FHIT: variants seen among roughly 807,000 people sequenced by gnomAD.
FHIT encodes the protein bis(5'-adenosyl)-triphosphatase.
Under a neutral mutation model 17.9 loss-of-function variants are expected in FHIT, and 19 were observed. That is an observed-to-expected ratio of 1.06 (90% CI 0.74 to 1.56). The LOEUF is 1.56. Ranked by LOEUF, FHIT falls within the 40% of genes most tolerant of loss-of-function variation. The probability of loss-of-function intolerance (pLI) is 0.00; values close to 1 mark genes in which losing one functional copy is unlikely to be tolerated. For synonymous variants in FHIT, 81 were observed against 69.7 expected (o/e 1.16, Z -0.81); for missense variants, 248 against 189.2 (o/e 1.31, Z -1.82).
intron 3 of FHIT, among the ~76,000 whole-genome samples, chr3:60,957,095 A>G (rs986046528): frequency 2.7e-4 from 41 of 152,314 alleles, no homozygotes; most frequent in African/African-American, 6.7e-4. Context: ...GTTCAAAATC[A>G]GATACTAAGC....
At chr3:61,022,999 C>T (rs1466450854) in intron 3 of FHIT, among the ~76,000 whole-genome samples, 1 of 152,122 alleles carries the variant, frequency 6.6e-6, no homozygotes, top group Non-Finnish European at 1.5e-5. Context: ...CCAGGGCGAT[C>T]AGGCAAGAGA....
At chr3:60,136,669 T>C (rs968207389) in intron 5 of FHIT, among the ~76,000 whole-genome samples, 5 of 152,128 alleles carry the variant, frequency 3.3e-5, no homozygotes, top group East Asian at 3.9e-4. Flanking sequence ...ACATAGGACC[T>C]TGAAGATTTC....
intron 5 of FHIT, among the ~76,000 whole-genome samples, chr3:60,442,594 A>G (rs2030986139): frequency 6.6e-6 from 1 of 152,006 alleles, no homozygotes. Flanking sequence ...GATGTGTGGT[A>G]TTATTTCTGA....
chr3:61,134,978 T>C (rs923155486), intron 2 of FHIT, among the ~76,000 whole-genome samples: 1 of 151,706 alleles, frequency 6.6e-6, no homozygotes, highest in African/African-American at 2.4e-5. Context: ...GCATAAGAGA[T>C]GCCCTTGGGG....
intron 5 of FHIT, among the ~76,000 whole-genome samples, chr3:60,217,869 T>G (rs1401509229): frequency 2.0e-5 from 3 of 152,192 alleles, no homozygotes; most frequent in Admixed American, 6.5e-5. Flanking sequence ...ATGTTATGTA[T>G]CCTTTTATAT....
chr3:60,359,217 G>A (rs1699797009), intron 5 of FHIT, among the ~76,000 whole-genome samples: 1 of 150,994 alleles, frequency 6.6e-6, no homozygotes, highest in African/African-American at 2.4e-5. Flanking sequence ...CATGATATTT[G>A]GATACAAAAC....
chr3:61,149,665 C>G (rs958575168), intron 2 of FHIT, among the ~76,000 whole-genome samples: 4 of 151,914 alleles, frequency 2.6e-5, no homozygotes, highest in African/African-American at 9.7e-5. Context: ...ATGGCTTGAG[C>G]CCAGGAGTTT....
At chr3:60,256,696 T>G (rs968347542) in intron 5 of FHIT, among the ~76,000 whole-genome samples, 1 of 152,200 alleles carries the variant, frequency 6.6e-6, no homozygotes, top group African/African-American at 2.4e-5. Flanking sequence ...CTTGGTTTAG[T>G]ACCTTGCATC....
chr3:60,447,765 C>T (rs1013567347), intron 5 of FHIT, among the ~76,000 whole-genome samples: 5 of 152,074 alleles, frequency 3.3e-5, no homozygotes, highest in Admixed American at 1.3e-4. Flanking sequence ...AATAATTCAC[C>T]CTTGAAGCAA....
At chr3:60,901,526 A>G (rs1439428407) in intron 3 of FHIT, among the ~76,000 whole-genome samples, 1 of 152,260 alleles carries the variant, frequency 6.6e-6, no homozygotes, top group Non-Finnish European at 1.5e-5. Context: ...AAGTCATTAC[A>G]CATCAAATAA....
chr3:60,168,275 T>C (rs1576239665), intron 5 of FHIT, among the ~76,000 whole-genome samples: 1 of 152,190 alleles, frequency 6.6e-6, no homozygotes, highest in Non-Finnish European at 1.5e-5. Context: ...TTCTCTATGA[T>C]TGTTAGGCCG....
intron 4 of FHIT, among the ~76,000 whole-genome samples, chr3:60,661,452 A>G (rs193198576): frequency 1.5e-4 from 23 of 152,294 alleles, no homozygotes. Flanking sequence ...CCACTCATTA[A>G]CTGTTGGGCA....
chr3:60,412,292 G>A (rs1469235881), intron 5 of FHIT, among the ~76,000 whole-genome samples: 2 of 152,022 alleles, frequency 1.3e-5, no homozygotes, highest in African/African-American at 4.8e-5. Context: ...GAAGGTGGGG[G>A]AAAAGGCATG....
At chr3:61,228,578 C>A (rs547173732) in intron 1 of FHIT, among the ~76,000 whole-genome samples, 6 of 152,302 alleles carry the variant, frequency 3.9e-5, no homozygotes, top group Admixed American at 6.5e-5. Flanking sequence ...TTCTATTAAT[C>A]TGCCTTGTAT....
intron 5 of FHIT, among the ~76,000 whole-genome samples, chr3:60,145,460 T>C (rs1700201363): frequency 1.3e-5 from 2 of 152,178 alleles, no homozygotes; most frequent in South Asian, 2.1e-4. Flanking sequence ...TATGAGCATT[T>C]CCAATGCATT....
At chr3:60,763,978 G>C (rs911706661) in intron 4 of FHIT, among the ~76,000 whole-genome samples, 3 of 152,028 alleles carry the variant, frequency 2.0e-5, no homozygotes, top group African/African-American at 4.8e-5. Context: ...CCTATAGCCC[G>C]CTGAGTTAAG....
At chr3:59,810,628 G>T (rs541432532) in intron 8 of FHIT, among the ~76,000 whole-genome samples, 234 of 152,294 alleles carry the variant, frequency 1.5e-3, no homozygotes, top group Non-Finnish European at 2.5e-3. Flanking sequence ...ATACACAGAT[G>T]TGTTAATTTA....
chr3:61,003,770 G>C (rs962307480), intron 3 of FHIT, among the ~76,000 whole-genome samples: 1 of 152,222 alleles, frequency 6.6e-6, no homozygotes, highest in African/African-American at 2.4e-5. Context: ...ATATCTTACT[G>C]AAAAGTTGCA....
intron 8 of FHIT, among the ~76,000 whole-genome samples, chr3:59,907,969 T>A (rs1226570870): frequency 1.3e-5 from 2 of 152,242 alleles, no homozygotes; most frequent in Admixed American, 1.3e-4. Flanking sequence ...TGACACTACT[T>A]ATTTTGCCTC....
Sources: gnomAD v4.1 joint callset for allele counts (sites outside exome capture counted in the v4.1 genomes callset) on GRCh38, gnomAD v4.1.1 for gene constraint, MANE v1.5 for transcripts, NCBI Gene and HGNC (gene_info 2026-07-23, HGNC 2026-07-21) for gene names.